DEUP1: variants seen among roughly 807,000 people sequenced by gnomAD.
The protein encoded by DEUP1 is deuterosome assembly protein 1, also known as coiled-coil domain containing 67.
In DEUP1, 82 loss-of-function variants were observed where a neutral mutation model predicts 87.4. The observed-to-expected ratio is 0.94, with a 90% CI of 0.78 to 1.13. DEUP1 has a LOEUF of 1.13. Among genes scored for constraint, DEUP1 ranks in the 50% most tolerant of loss-of-function variants. The pLI is 0.00. For synonymous variants in DEUP1, 214 were observed against 222.7 expected (o/e 0.96, Z 0.35); for missense variants, 663 against 681.5 (o/e 0.97, Z 0.30).
At chr11:93,392,126 G>A (rs1313421306) in intron 9 of DEUP1, among the ~76,000 whole-genome samples, 2 of 152,184 alleles carry the variant, frequency 1.3e-5, no homozygotes, top group Non-Finnish European at 2.9e-5. Flanking sequence ...TACTTTCCAT[G>A]TTAGGTCACC....
chr11:93,380,423 C>T (rs183464715), intron 7 of DEUP1, among the ~76,000 whole-genome samples: 11 of 146,700 alleles, frequency 7.5e-5, no homozygotes, highest in East Asian at 5.8e-4. Context: ...GTTTTTGAGA[C>T]GGAGACTGGC....
chr11:93,397,280 C>G (rs1187378379), intron 11 of DEUP1, among the ~76,000 whole-genome samples: 1 of 152,102 alleles, frequency 6.6e-6, no homozygotes, highest in East Asian at 1.9e-4. Flanking sequence ...TGCAAACATT[C>G]TGGAAGCATT....
chr11:93,420,012 T>C (rs1340583880), intron 13 of DEUP1, among the ~76,000 whole-genome samples: 2 of 152,156 alleles, frequency 1.3e-5, no homozygotes, highest in East Asian at 3.9e-4. Context: ...CCCTTCCTTC[T>C]GAAACCATTC....
intron 13 of DEUP1, among the ~76,000 whole-genome samples, chr11:93,418,128 C>T (rs1248308841): frequency 6.6e-6 from 1 of 152,074 alleles, no homozygotes; most frequent in African/African-American, 2.4e-5. Context: ...CGGGCAAGGA[C>T]TTCATGTCTA....
intron 9 of DEUP1, among the ~76,000 whole-genome samples, chr11:93,389,956 C>A (rs1206718546): frequency 6.6e-6 from 1 of 152,190 alleles, no homozygotes; most frequent in Non-Finnish European, 1.5e-5. Context: ...AAGTCCTGGG[C>A]ACTGTCCTTA....
chr11:93,389,085 T>C lies in DEUP1; in HGVS notation c.1001T>C (p.Val334Ala), dbSNP rs1946684088. The C allele has an allele frequency of 3.1e-6, 5 of 1,602,676 alleles. No individual in the cohort carries two copies. Among genetic ancestry groups the C allele is most frequent in the African/African-American group, 1.3e-5 (1 of 74,524 alleles). ...AGGAAAATAAAAGAGCTGTTTTCAGTGATGCAAGATCAACCAAATCATGAA... is the reference window on the plus strand; with the variant it reads ...AGGAAAATAAAAGAGCTGTTTTCAGCGATGCAAGATCAACCAAATCATGAA... ...PERKIKELFS[V>A]MQDQPNHEKE... Residue 334 changes from valine to alanine, a missense_variant, in exon 9 of 14, where the codon GTG becomes GCG. Transcript: ENST00000298050.
chr11:93,360,207 A>G (rs1598546), intron 4 of DEUP1, among the ~76,000 whole-genome samples: 86,140 of 151,980 alleles, frequency 0.57, 24,899 homozygotes, highest in Admixed American at 0.67. Context: ...CCAATCAGCA[A>G]TAATAAGGAG....
chr11:93,417,001 A>C (rs1947663576), intron 13 of DEUP1, among the ~76,000 whole-genome samples: 1 of 152,144 alleles, frequency 6.6e-6, no homozygotes, highest in South Asian at 2.1e-4. Flanking sequence ...AAAAACTCTC[A>C]ATAAATTAGG....
chr11:93,416,619 A>C (rs1031721705), intron 13 of DEUP1, among the ~76,000 whole-genome samples: 2 of 151,846 alleles, frequency 1.3e-5, no homozygotes, highest in Non-Finnish European at 2.9e-5. Flanking sequence ...AACTGGTACC[A>C]TTCCTTCTGA....
chr11:93,369,042 A>T (rs1310112600), intron 5 of DEUP1, among the ~76,000 whole-genome samples: 2 of 152,118 alleles, frequency 1.3e-5, no homozygotes, highest in African/African-American at 4.8e-5. Context: ...TTGGATGGGG[A>T]CACAGAGCCA....
At chr11:93,338,627 A>T (rs1406176228) in intron 2 of DEUP1, among the ~76,000 whole-genome samples, 2 of 150,842 alleles carry the variant, frequency 1.3e-5, no homozygotes, top group African/African-American at 2.4e-5. Context: ...TTGGTTTTGA[A>T]CTCCTGGACT....
chr11:93,340,562 G>C (rs921121007), intron 2 of DEUP1, among the ~76,000 whole-genome samples: 2 of 152,280 alleles, frequency 1.3e-5, no homozygotes, highest in Middle Eastern at 3.4e-3. Context: ...ATTTTAAAAG[G>C]CTCGCTCTAG....
chr11:93,433,292 G>A (rs942677505), intron 13 of DEUP1, among the ~76,000 whole-genome samples: 1 of 152,192 alleles, frequency 6.6e-6, no homozygotes, highest in Non-Finnish European at 1.5e-5. Flanking sequence ...AGGCAAGAGG[G>A]ATTGCTTGAG....
intron 11 of DEUP1, among the ~76,000 whole-genome samples, chr11:93,397,789 T>C (rs371100548): frequency 6.6e-6 from 1 of 152,184 alleles, no homozygotes; most frequent in East Asian, 1.9e-4. Flanking sequence ...TTTACAGAAA[T>C]AAATGTATAA....
intron 9 of DEUP1, among the ~76,000 whole-genome samples, chr11:93,389,790 T>C (rs1285047298): frequency 6.6e-6 from 1 of 152,172 alleles, no homozygotes; most frequent in African/African-American, 2.4e-5. Context: ...GTAAAATCTA[T>C]GAGATAATGC....
chr11:93,417,383 A>G (rs2134456123), intron 13 of DEUP1, among the ~76,000 whole-genome samples: 1 of 151,608 alleles, frequency 6.6e-6, no homozygotes, highest in Admixed American at 6.6e-5. Context: ...TTATACACCA[A>G]TAACAGACAA....
At chr11:93,349,585 C>CAA (rs61327784) in intron 2 of DEUP1, among the ~76,000 whole-genome samples, 18 of 147,640 alleles carry the variant, frequency 1.2e-4, no homozygotes, top group East Asian at 5.9e-4. Flanking sequence ...ATGAAATTGA[C>CAA]AAAAAAAAAA....
intron 4 of DEUP1, chr11:93,357,611 C>T (rs546303274): frequency 4.6e-5 from 7 of 152,282 alleles, no homozygotes; most frequent in East Asian, 1.9e-4. Context: ...ACAGATAGCA[C>T]GTAGGGTAAT....
chr11:93,407,480 T>C (rs952770813), intron 11 of DEUP1, among the ~76,000 whole-genome samples: 1 of 152,134 alleles, frequency 6.6e-6, no homozygotes, highest in Non-Finnish European at 1.5e-5. Context: ...GTATATTGAT[T>C]ATAATTTTCT....
Sources: gnomAD v4.1 joint callset for allele counts (sites outside exome capture counted in the v4.1 genomes callset) on GRCh38, gnomAD v4.1.1 for gene constraint, MANE v1.5 for transcripts, NCBI Gene and HGNC (gene_info 2026-07-23, HGNC 2026-07-21) for gene names.